The following CCDC34 variants were observed in gnomAD, a reference collection of about 807,000 sequenced individuals.
CCDC34 encodes coiled-coil domain-containing protein 34.
CCDC34 carries 40 observed loss-of-function variants against 44.1 expected under a neutral mutation model. The observed-to-expected ratio is 0.91, with a 90% CI of 0.70 to 1.18. CCDC34 has a LOEUF of 1.18. Ranked by LOEUF, CCDC34 falls within the 50% of genes most tolerant of loss-of-function variation. The pLI is 0.00. For synonymous variants in CCDC34, 159 were observed against 158.2 expected, an observed-to-expected ratio of 1.01 and a Z score of -0.04; for missense variants, 466 against 452.3, an observed-to-expected ratio of 1.03 and a Z score of -0.28.
intron 3 of CCDC34, chr11:27,349,127 A>G: frequency 1.0e-6 from 1 of 983,784 alleles, no homozygotes. Context: ...GAGTTAGAAG[A>G]TAAGAAGGAC....
intron 3 of CCDC34, chr11:27,349,725 A>T (rs1862478946): frequency 2.0e-6 from 2 of 976,808 alleles, no homozygotes; most frequent in Non-Finnish European, 2.4e-6. Flanking sequence ...TCACTCAATT[A>T]AACTATTTTT....
intron 3 of CCDC34, among the ~76,000 whole-genome samples, chr11:27,348,437 C>T (rs1029827805): frequency 6.6e-6 from 1 of 152,004 alleles, no homozygotes; most frequent in African/African-American, 2.4e-5. Context: ...ATAAACACAT[C>T]CAGAAAATAA....
At chr11:27,341,014 T>C (rs1224574852) in intron 4 of CCDC34, among the ~76,000 whole-genome samples, 177 bp from the exon 5 acceptor site, 1 of 152,124 alleles carries the variant, frequency 6.6e-6, no homozygotes. Flanking sequence ...GGACATACAT[T>C]AAGGTGTCTG....
At chr11:27,354,275 A>C (rs1862541792) in intron 2 of CCDC34, among the ~76,000 whole-genome samples, 1 of 152,194 alleles carries the variant, frequency 6.6e-6, no homozygotes, top group Non-Finnish European at 1.5e-5. Flanking sequence ...CTTTGAACCA[A>C]ATTACAAATA....
chr11:27,360,495 C>A (rs562912676), intron 1 of CCDC34, among the ~76,000 whole-genome samples: 11 of 152,266 alleles, frequency 7.2e-5, no homozygotes, highest in African/African-American at 2.6e-4. Context: ...GCAGGTGAGG[C>A]ATGGAGAAAA....
At chr11:27,351,460 G>T (rs1274650728) in intron 2 of CCDC34, among the ~76,000 whole-genome samples, 2 of 152,174 alleles carry the variant, frequency 1.3e-5, no homozygotes, top group Non-Finnish European at 2.9e-5. Context: ...AAATTCTGCT[G>T]CATAGAAGAT....
At chr11:27,349,293 T>C (rs1862473808) in intron 3 of CCDC34, 1 of 919,152 alleles carries the variant, frequency 1.1e-6, no homozygotes, top group Non-Finnish European at 1.3e-6. Flanking sequence ...TGTTATATCA[T>C]GGGATGAAGT....
chr11:27,361,867 TTCC>T (rs1374552803), intron 1 of CCDC34, among the ~76,000 whole-genome samples: 54 of 152,178 alleles, frequency 3.5e-4, no homozygotes, highest in Non-Finnish European at 6.8e-4. Context: ...TGTAAATGAT[TTCC>T]GAAGAAAACG....
rs373968454 is a variant in CCDC34 at position 27,363,102 on chromosome 11, G to A, written c.93C>T (p.Asp31=). The part of the protein sequence containing the change: ...DCRPRSRPSS[D]SCSVPMTGAR... Reference sequence around the variant, plus strand: ...CGCCCGTCATAGGGACTGAGCAGGAGTCCGAGGAGGGCCGAGACCTGGGTC... The same window carrying A: ...CGCCCGTCATAGGGACTGAGCAGGAATCCGAGGAGGGCCGAGACCTGGGTC... The change falls in exon 1 of 6, where the codon GAC becomes GAT. Residue 31 remains aspartate (D), a synonymous_variant. Transcript: ENST00000328697. 5.0e-6 allele frequency: 8 copies of A among 1,598,180 alleles called. No homozygotes were observed. The highest frequency in any genetic ancestry group is 1.3e-5 in the African/African-American group (1 of 74,498).
intron 5 of CCDC34, among the ~76,000 whole-genome samples, chr11:27,339,330 AT>A (rs1862321539): frequency 6.6e-6 from 1 of 152,226 alleles, no homozygotes; most frequent in Non-Finnish European, 1.5e-5. Flanking sequence ...TAAGAAATTA[AT>A]TTTATGATCC....
Position 27,338,742 on chromosome 11 carries a change from A to AT in CCDC34, c.*78dup. ...CAATAATCACATTAAGTGTTGAGTT[A>AT]TTGACTGAGCAGTAAAAAACAATTT... is the stretch of plus-strand genomic sequence containing the variant. On this transcript the variant is annotated 3_prime_UTR_variant, in exon 6 of 6. Coordinates refer to ENST00000328697, the MANE Select transcript of CCDC34 (RefSeq NM_030771.2). The AT allele has an allele frequency of 1.7e-6, 2 of 1,150,186 alleles. No homozygotes were observed. The highest frequency in any genetic ancestry group is 2.6e-6 in the Non-Finnish European group (2 of 777,584). 71.2% of individuals were successfully genotyped at this position (1,150,186 alleles called of 1,614,324 possible). A position where few individuals can be genotyped will look rare whatever the true frequency, so the allele number is the denominator to read the frequency against.
chr11:27,360,598 C>T (rs1261336812), intron 1 of CCDC34, among the ~76,000 whole-genome samples: 1 of 152,176 alleles, frequency 6.6e-6, no homozygotes, highest in Non-Finnish European at 1.5e-5. Flanking sequence ...AGGTTGCCTG[C>T]TCTCTTCATC....
At chr11:27,352,414 G>A (rs1224315692) in intron 2 of CCDC34, among the ~76,000 whole-genome samples, 6 of 148,000 alleles carry the variant, frequency 4.1e-5, no homozygotes, top group Non-Finnish European at 9.1e-5. Context: ...AAGGAAAAGA[G>A]GGTTTGGACT....
At chr11:27,349,774 A>C (rs2133343984) in intron 3 of CCDC34, 2 of 949,704 alleles carry the variant, frequency 2.1e-6, no homozygotes, top group Non-Finnish European at 2.5e-6. Flanking sequence ...TAGCTCCTGG[A>C]AAACTGAACA....
chr11:27,348,774 C>A lies in CCDC34; in HGVS notation c.606+1558G>T, dbSNP rs1008585633. 3 of 817,998 alleles carry A rather than the reference C, an allele frequency of 3.7e-6. No homozygotes were observed. In the African/African-American group the frequency reaches 6.1e-5, roughly 16 times the overall value. 50.7% of individuals were successfully genotyped at this position (817,998 alleles called of 1,614,324 possible). On this transcript the variant is annotated intron_variant, in intron 3 of 5. Transcript: ENST00000328697. ...CAAATAGAGGTAAATGTAACTATGTCTGAAAGAAGAAATCTGATAGGTCTT... is the reference window on the plus strand; with the variant it reads ...CAAATAGAGGTAAATGTAACTATGTATGAAAGAAGAAATCTGATAGGTCTT...
At chr11:27,358,968 C>CA (rs1408658953) in intron 1 of CCDC34, among the ~76,000 whole-genome samples, 4 of 70,782 alleles carry the variant, frequency 5.7e-5, no homozygotes, top group East Asian at 5.6e-4. Context: ...ACCCCCCCCC[C>CA]CCACCGCCAC....
chr11:27,340,960 G>A, intron 4 of CCDC34, 123 bp from the exon 5 acceptor site: 2 of 759,852 alleles, frequency 2.6e-6, no homozygotes, highest in Non-Finnish European at 4.2e-6. Context: ...CCATAATACT[G>A]AATCATATTT....
At chr11:27,357,942 T>C (rs1049045943) in intron 1 of CCDC34, among the ~76,000 whole-genome samples, 52 of 152,262 alleles carry the variant, frequency 3.4e-4, no homozygotes, top group African/African-American at 1.1e-3. Context: ...CCTTAAGTAG[T>C]TCAGGAAAAA....
chr11:27,348,792 T>C (rs1862467223), intron 3 of CCDC34: 2 of 825,194 alleles, frequency 2.4e-6, no homozygotes, highest in Admixed American at 9.2e-5. Flanking sequence ...AGAAATCTGA[T>C]AGGTCTTAAA....
Sources: gnomAD v4.1 joint callset for allele counts (sites outside exome capture counted in the v4.1 genomes callset) on GRCh38, gnomAD v4.1.1 for gene constraint, MANE v1.5 for transcripts, NCBI Gene and HGNC (gene_info 2026-07-23, HGNC 2026-07-21) for gene names.